The following PRIM2 variants were observed in gnomAD, a reference collection of about 807,000 sequenced individuals.
The protein encoded by PRIM2 is DNA primase subunit 2.
PRIM2 carries 39 observed loss-of-function variants against 67.3 expected under a neutral mutation model. The ratio of observed to expected loss-of-function variants is 0.58; its 90% confidence interval spans 0.45 to 0.76. The LOEUF (loss-of-function observed/expected upper bound fraction) is 0.76, where lower values mean the gene tolerates loss of function less well. PRIM2 is among the 30% of genes least tolerant of loss of function. The pLI is 0.00. For missense variants in PRIM2, 398 were observed against 598.7 expected (o/e 0.66, Z 3.50); for synonymous variants, 143 against 198.7 (o/e 0.72, Z 2.36).
intron 5 of PRIM2, among the ~76,000 whole-genome samples, chr6:57,330,361 G>GTT (rs59599812): frequency 3.0e-4 from 33 of 110,346 alleles, no homozygotes; most frequent in African/African-American, 5.1e-4. Flanking sequence ...TTTTTTTTTT[G>GTT]TTTTTGTTTT....
chr6:57,575,136 C>G (rs1646587730), intron 10 of PRIM2, among the ~76,000 whole-genome samples: 1 of 152,090 alleles, frequency 6.6e-6, no homozygotes, highest in Admixed American at 6.6e-5. Context: ...AGACCAATCT[C>G]CTGGTGGATA....
chr6:57,496,381 G>A (rs1292545376), intron 7 of PRIM2, among the ~76,000 whole-genome samples: 2 of 152,160 alleles, frequency 1.3e-5, no homozygotes, highest in Non-Finnish European at 2.9e-5. Flanking sequence ...AGGAATCATG[G>A]CCTATACTGC....
intron 6 of PRIM2, 106 bp from the exon 7 acceptor site, chr6:57,381,925 C>T: frequency 8.4e-7 from 1 of 1,195,448 alleles, no homozygotes; most frequent in South Asian, 2.0e-5. Flanking sequence ...TCTTTTGGCT[C>T]TGCTAGGACT....
intron 7 of PRIM2, among the ~76,000 whole-genome samples, chr6:57,445,192 C>T (rs988012432): frequency 1.3e-5 from 2 of 152,092 alleles, no homozygotes; most frequent in Non-Finnish European, 2.9e-5. Context: ...CCAACATTCT[C>T]GTATAATCAT....
chr6:57,588,004 G>T (rs1191885677), intron 10 of PRIM2, among the ~76,000 whole-genome samples: 50 of 152,244 alleles, frequency 3.3e-4, no homozygotes, highest in African/African-American at 1.1e-3. Flanking sequence ...TACCTTATAT[G>T]GGTTCTGTAT....
chr6:57,309,139 C>CT, the PRIM2 span, among the ~76,000 whole-genome samples: 14,122 of 142,292 alleles, frequency 0.099, 710 homozygotes, highest in African/African-American at 0.14. Context: ...GGTGATGACT[C>CT]TTTTTTTTTT....
At chr6:57,433,546 A>G (rs1771903377) in intron 7 of PRIM2, among the ~76,000 whole-genome samples, 1 of 152,120 alleles carries the variant, frequency 6.6e-6, no homozygotes, top group South Asian at 2.1e-4. Flanking sequence ...CGGAATCCTT[A>G]GGGGAGCAAT....
chr6:57,226,634 TC>T, the PRIM2 span, among the ~76,000 whole-genome samples: 13 of 152,160 alleles, frequency 8.5e-5, no homozygotes, highest in Admixed American at 6.5e-4. Flanking sequence ...GACTAGGAGA[TC>T]CACTGGACAG....
chr6:57,503,542 A>C (rs1394103017), intron 7 of PRIM2, among the ~76,000 whole-genome samples: 3 of 152,186 alleles, frequency 2.0e-5, no homozygotes, highest in Non-Finnish European at 4.4e-5. Flanking sequence ...TGAGGTCAGA[A>C]GTTCGAGACC....
intron 7 of PRIM2, chr6:57,390,304 A>G (rs938144768): frequency 6.5e-6 from 1 of 152,756 alleles, no homozygotes; most frequent in African/African-American, 2.4e-5. Context: ...GCTGAACTTG[A>G]TTGTTGTTCT....
Position 57,381,346 on chromosome 6 carries a change from G to A in PRIM2, c.556-685G>A, listed in dbSNP as rs74293819. The stretch of plus-strand genomic sequence containing the variant: ...ATTTTTCACCTAATTTTTTAACCTC[G>A]TTTTTTAAAAAAGAAAAATTCTATT... On this transcript the variant is annotated intron_variant, in intron 6 of 13. Transcript: ENST00000615550. Among the ~76,000 whole-genome samples, 300 of 151,910 alleles carry A rather than the reference G, an allele frequency of 2.0e-3. 6 individuals carry two copies. In the East Asian group the frequency reaches 0.043, roughly 22 times the overall value.
chr6:57,552,246 T>G (rs1366321594), intron 10 of PRIM2, among the ~76,000 whole-genome samples: 1 of 152,162 alleles, frequency 6.6e-6, no homozygotes, highest in African/African-American at 2.4e-5. Flanking sequence ...ACATGAGGCC[T>G]ACACTAAGCT....
intron 7 of PRIM2, among the ~76,000 whole-genome samples, chr6:57,399,391 A>T (rs113746020): frequency 0.011 from 1,676 of 152,218 alleles, 11 homozygotes; most frequent in Non-Finnish European, 0.019. Flanking sequence ...TATGGCTGCA[A>T]AGTATTCCAT....
chr6:57,246,475 A>G, the PRIM2 span, among the ~76,000 whole-genome samples: 1 of 152,154 alleles, frequency 6.6e-6, no homozygotes, highest in Non-Finnish European at 1.5e-5. Flanking sequence ...TCTCCAGGAG[A>G]TACGCCGTCC....
At chr6:57,324,497 A>G (rs1206513600) in intron 4 of PRIM2, among the ~76,000 whole-genome samples, 2 of 152,322 alleles carry the variant, frequency 1.3e-5, no homozygotes, top group East Asian at 3.9e-4. Context: ...GCCTGATGAA[A>G]CACTTCTTAA....
chr6:57,588,716 T>C (rs1433365265), intron 10 of PRIM2, among the ~76,000 whole-genome samples: 1 of 152,130 alleles, frequency 6.6e-6, no homozygotes, highest in Non-Finnish European at 1.5e-5. Context: ...TTTCCAATGT[T>C]TTTGAAATAC....
In PRIM2 at chr6:57,467,376, A is replaced by G. The variant is rs1437450288; in HGVS notation, c.694-40011A>G. Among the ~76,000 whole-genome samples, 5 of 152,192 alleles carry G rather than the reference A, an allele frequency of 3.3e-5. No individual in the cohort carries two copies. The South Asian group carries it at 8.3e-4, about 25-fold the overall frequency. Reference sequence around the variant, plus strand: ...TAGTTTTTTCAACACTATTTTTTAAATAGGGAATCCTTTCCCCATTGCTTG... The same window carrying G: ...TAGTTTTTTCAACACTATTTTTTAAGTAGGGAATCCTTTCCCCATTGCTTG... On this transcript the variant is annotated intron_variant, in intron 7 of 13. Transcript: ENST00000615550.
intron 7 of PRIM2, among the ~76,000 whole-genome samples, chr6:57,442,571 C>T (rs910054122): frequency 5.9e-5 from 9 of 151,982 alleles, no homozygotes; most frequent in African/African-American, 2.2e-4. Context: ...AGCACCAATC[C>T]TCCTTTTGTC....
At chr6:57,524,075 G>A (rs1200039473) in intron 8 of PRIM2, among the ~76,000 whole-genome samples, 4 of 152,058 alleles carry the variant, frequency 2.6e-5, no homozygotes, top group African/African-American at 9.7e-5. Flanking sequence ...GATTAATTAT[G>A]CCTTGCTGTC....
Sources: gnomAD v4.1 joint callset for allele counts (sites outside exome capture counted in the v4.1 genomes callset) on GRCh38, gnomAD v4.1.1 for gene constraint, MANE v1.5 for transcripts, NCBI Gene and HGNC (gene_info 2026-07-23, HGNC 2026-07-21) for gene names.